The following ENOX1 variants were observed in gnomAD, a reference collection of about 807,000 sequenced individuals.
ENOX1 encodes ecto-NOX disulfide-thiol exchanger 1.
A neutral mutation model predicts 82.5 loss-of-function variants in ENOX1; 42 were observed. The ratio of observed to expected loss-of-function variants is 0.51; its 90% CI spans 0.40 to 0.66. The LOEUF (loss-of-function observed/expected upper bound fraction) is 0.66. ENOX1 is among the 30% of genes least tolerant of loss of function. The pLI is 0.00. For missense variants in ENOX1, 608 were observed against 811.6 expected (o/e 0.75, Z 3.05); for synonymous variants, 271 against 282.2 (o/e 0.96, Z 0.40).
At chr13:43,472,527 G>A (rs576316320) in intron 3 of ENOX1, among the ~76,000 whole-genome samples, 12 of 152,104 alleles carry the variant, frequency 7.9e-5, no homozygotes, top group African/African-American at 1.7e-4. Context: ...CGGTGCATGT[G>A]GAGCCCAGAA....
intron 2 of ENOX1, among the ~76,000 whole-genome samples, chr13:43,660,849 T>C (rs550821571): frequency 1.2e-4 from 18 of 152,278 alleles, no homozygotes; most frequent in Admixed American, 1.2e-3. Flanking sequence ...GATCAATTGA[T>C]TGGGGAATAC....
chr13:43,740,072 G>A (rs1219861236), intron 1 of ENOX1, among the ~76,000 whole-genome samples: 1 of 152,132 alleles, frequency 6.6e-6, no homozygotes, highest in African/African-American at 2.4e-5. Context: ...AGTGGTCGGT[G>A]CCCCTAACTC....
At chr13:43,689,453 C>A (rs299344) in intron 1 of ENOX1, among the ~76,000 whole-genome samples, 47,813 of 152,068 alleles carry the variant, frequency 0.31, 7,973 homozygotes, top group East Asian at 0.48. Context: ...GTACAAATTT[C>A]ATCATTAAGC....
intron 2 of ENOX1, among the ~76,000 whole-genome samples, chr13:43,499,224 CTG>C (rs2153666730): frequency 6.6e-6 from 1 of 151,954 alleles, no homozygotes; most frequent in South Asian, 2.1e-4. Context: ...AATATGATCT[CTG>C]TGGTATCCTA....
chr13:43,356,781 G>T (rs911878727), intron 7 of ENOX1, among the ~76,000 whole-genome samples: 1 of 152,060 alleles, frequency 6.6e-6, no homozygotes, highest in African/African-American at 2.4e-5. Flanking sequence ...CCTCTGGGGT[G>T]CGCAGGAGAA....
chr13:43,311,420 C>T (rs1239100361), intron 11 of ENOX1, among the ~76,000 whole-genome samples: 2 of 151,756 alleles, frequency 1.3e-5, no homozygotes, highest in Admixed American at 1.3e-4. Context: ...AAAATTAGTT[C>T]TTCCTAGTTT....
chr13:43,724,626 C>T (rs995044041), intron 1 of ENOX1, among the ~76,000 whole-genome samples: 1 of 152,090 alleles, frequency 6.6e-6, no homozygotes, highest in Non-Finnish European at 1.5e-5. Flanking sequence ...TAAACAAAAA[C>T]CAGTCAAGTT....
intron 1 of ENOX1, among the ~76,000 whole-genome samples, chr13:43,769,883 C>G (rs1439749952): frequency 6.6e-6 from 1 of 152,224 alleles, no homozygotes. Context: ...AAGCTCACAA[C>G]AGGCAGTTGA....
At chr13:43,355,817 A>T (rs2050111254) in intron 8 of ENOX1, 102 bp downstream of exon 8, 4 of 1,140,680 alleles carry the variant, frequency 3.5e-6, no homozygotes, top group Non-Finnish European at 5.1e-6. Flanking sequence ...GGCATAGCAG[A>T]CATTGTGCTG....
intron 3 of ENOX1, among the ~76,000 whole-genome samples, chr13:43,466,745 G>A (rs777387119): frequency 3.8e-4 from 58 of 151,962 alleles, no homozygotes; most frequent in African/African-American, 9.2e-4. Context: ...ATCTAATTCC[G>A]GAAACTTTCA....
intron 5 of ENOX1, among the ~76,000 whole-genome samples, chr13:43,371,617 C>T (rs2051250597): frequency 6.6e-6 from 1 of 152,146 alleles, no homozygotes; most frequent in Non-Finnish European, 1.5e-5. Flanking sequence ...TTTCTGTTTA[C>T]AAAGGCATGT....
intron 8 of ENOX1, among the ~76,000 whole-genome samples, chr13:43,348,935 A>C (rs538068488): frequency 6.6e-6 from 1 of 152,354 alleles, no homozygotes; most frequent in Non-Finnish European, 1.5e-5. Context: ...GAAATTGTGA[A>C]GAAGTAAAAA....
intron 1 of ENOX1, among the ~76,000 whole-genome samples, chr13:43,690,688 T>G (rs2086312671): frequency 6.6e-6 from 1 of 152,216 alleles, no homozygotes; most frequent in African/African-American, 2.4e-5. Flanking sequence ...GAGGAGATTT[T>G]CTGTCAGCTC....
chr13:43,289,093 C>T (rs967841962), intron 12 of ENOX1, among the ~76,000 whole-genome samples: 2 of 152,120 alleles, frequency 1.3e-5, no homozygotes, highest in South Asian at 2.1e-4. Flanking sequence ...TGGAAAAACA[C>T]TTCATGCTCA....
At chr13:43,249,140 G>A (rs749582766) in intron 14 of ENOX1, among the ~76,000 whole-genome samples, 15 of 144,226 alleles carry the variant, frequency 1.0e-4, no homozygotes, top group Non-Finnish European at 2.1e-4. Context: ...TGACAGCCAT[G>A]TTAAACAAAA....
chr13:43,594,747 C>T (rs1452554644), intron 2 of ENOX1, among the ~76,000 whole-genome samples: 1 of 152,118 alleles, frequency 6.6e-6, no homozygotes, highest in Non-Finnish European at 1.5e-5. Flanking sequence ...ACATTCAAAC[C>T]CAGGCCTAAC....
At chr13:43,475,359 G>A (rs949175908) in intron 3 of ENOX1, among the ~76,000 whole-genome samples, 4 of 152,124 alleles carry the variant, frequency 2.6e-5, no homozygotes, top group Non-Finnish European at 5.9e-5. Context: ...CAACATTTCT[G>A]ATAGGAACTC....
At chr13:43,587,502 T>C (rs1163705296) in intron 2 of ENOX1, among the ~76,000 whole-genome samples, 1 of 152,232 alleles carries the variant, frequency 6.6e-6, no homozygotes, top group Non-Finnish European at 1.5e-5. Flanking sequence ...CAGCCCTATA[T>C]TGCTGACACA....
At chr13:43,728,952 T>A (rs930949212) in intron 1 of ENOX1, among the ~76,000 whole-genome samples, 2 of 152,142 alleles carry the variant, frequency 1.3e-5, no homozygotes, top group Non-Finnish European at 2.9e-5. Flanking sequence ...TGGGAGAAAA[T>A]TTCTGCCCTT....
Sources: allele counts gnomAD v4.1 joint callset (sites outside exome capture counted in the v4.1 genomes callset), GRCh38; gene constraint gnomAD v4.1.1; transcripts MANE v1.5; gene names NCBI Gene and HGNC (gene_info 2026-07-23, HGNC 2026-07-21).